The following AIDA variants were observed in gnomAD, a reference collection of about 807,000 sequenced individuals.
AIDA encodes axin interactor, dorsalization associated, also known as axin interactor, dorsalization-associated protein.
In AIDA, 18 loss-of-function variants were observed where a neutral mutation model predicts 42.7. That is an observed-to-expected ratio of 0.42 (90% CI 0.29 to 0.63). AIDA has a LOEUF of 0.63. Among genes scored for constraint, AIDA ranks in the 20% least tolerant of loss-of-function variants. AIDA has a pLI of 0.19. For missense variants in AIDA, 250 were observed against 354.1 expected, an observed-to-expected ratio of 0.71 and a Z score of 2.36; for synonymous variants, 104 against 122.9, an observed-to-expected ratio of 0.85 and a Z score of 1.02.
chr1:222,676,573 G>T (rs1664547591), intron 6 of AIDA, among the ~76,000 whole-genome samples: 1 of 152,084 alleles, frequency 6.6e-6, no homozygotes, highest in Non-Finnish European at 1.5e-5. Flanking sequence ...ATCTCAATAT[G>T]AAGTGGTAGA....
chr1:222,695,626 G>A (rs903075997), intron 2 of AIDA, among the ~76,000 whole-genome samples: 1 of 152,144 alleles, frequency 6.6e-6, no homozygotes, highest in Non-Finnish European at 1.5e-5. Context: ...TGAATAACTA[G>A]GGTAGAAATT....
intron 6 of AIDA, among the ~76,000 whole-genome samples, chr1:222,678,775 G>A (rs1377737934): frequency 2.0e-5 from 3 of 152,050 alleles, no homozygotes; most frequent in Non-Finnish European, 2.9e-5. Flanking sequence ...ATTTCTCAGT[G>A]GTTTCTAATG....
At chr1:222,708,537 T>A (rs1655904858) in intron 1 of AIDA, among the ~76,000 whole-genome samples, 1 of 151,440 alleles carries the variant, frequency 6.6e-6, no homozygotes, top group Non-Finnish European at 1.5e-5. Flanking sequence ...CCGGCTAATG[T>A]TTTTGTATTT....
rs527713594 is a variant in AIDA at position 222,709,129 on chromosome 1, C to G, written c.110+3079G>C. On this transcript the variant is annotated intron_variant, in intron 1 of 9. Transcript: ENST00000340020. ...GACAGTAAACAAAACAAAACAAATACAGAAAATGTATTTTCAACTGTAGCC... is the reference window on the plus strand; with the variant it reads ...GACAGTAAACAAAACAAAACAAATAGAGAAAATGTATTTTCAACTGTAGCC... 1.6e-4 allele frequency among the ~76,000 whole-genome samples: 24 copies of G among 152,190 alleles called. No individual in the cohort carries two copies. The South Asian group carries it at 2.3e-3, about 14-fold the overall frequency.
intron 8 of AIDA, 142 bp downstream of exon 8, chr1:222,673,171 T>C: frequency 1.5e-6 from 1 of 688,464 alleles, no homozygotes; most frequent in Non-Finnish European, 2.2e-6. Flanking sequence ...TTTAAAAATA[T>C]GTATATTTAT....
At chr1:222,712,165 C>T in intron 1 of AIDA, 43 bp downstream of exon 1, 1 of 1,556,964 alleles carries the variant, frequency 6.4e-7, no homozygotes. Flanking sequence ...GAGAGGCGCA[C>T]GACTGGAGCC....
intron 6 of AIDA, 98 bp downstream of exon 6, chr1:222,686,832 T>C (rs1466682575): frequency 4.2e-6 from 6 of 1,411,802 alleles, no homozygotes; most frequent in South Asian, 2.7e-5. Context: ...AGCTTTAGAG[T>C]GGTTGTACTG....
chr1:222,703,120 G>C (rs939597964), intron 2 of AIDA, 28 bp downstream of exon 2: 5 of 1,544,860 alleles, frequency 3.2e-6, no homozygotes, highest in Non-Finnish European at 4.4e-6. Flanking sequence ...TTTGGAATCT[G>C]ATATATCTAG....
At position 222,668,965 on chromosome 1, in the gene AIDA, C is replaced by CA. The variant is rs1390305530; in HGVS notation, c.*927dup. On this transcript the variant is annotated 3_prime_UTR_variant, in exon 10 of 10. Coordinates refer to ENST00000340020, the MANE Select transcript of AIDA (RefSeq NM_022831.4). The stretch of plus-strand genomic sequence containing the variant: ...AAATAGAATATCTTTCCAGATTTTG[C>CA]ATACTCCTCACTGTAAGAAGAGGTA... 1 of 152,006 alleles carries CA rather than the reference C, an allele frequency of 6.6e-6. No individual in the cohort carries two copies. The highest frequency in any genetic ancestry group is 2.4e-5 in the African/African-American group (1 of 41,366). The allele number at this position is 152,006 out of a possible 1,614,324, so 9.4% of individuals were successfully genotyped here.
At chr1:222,675,427 GGAA>G (rs1664526849) in intron 7 of AIDA, among the ~76,000 whole-genome samples, 1 of 152,118 alleles carries the variant, frequency 6.6e-6, no homozygotes, top group South Asian at 2.1e-4. Context: ...TTGTTTTTAA[GGAA>G]TAAATGAACT....
At chr1:222,677,047 T>C (rs1664558434) in intron 6 of AIDA, among the ~76,000 whole-genome samples, 1 of 152,130 alleles carries the variant, frequency 6.6e-6, no homozygotes, top group African/African-American at 2.4e-5. Flanking sequence ...ATCTCTCAAC[T>C]TTTTAAAGAC....
chr1:222,685,221 T>A (rs573984307), intron 6 of AIDA, among the ~76,000 whole-genome samples: 87 of 152,326 alleles, frequency 5.7e-4, no homozygotes, highest in African/African-American at 2.0e-3. Context: ...CCACCACTAA[T>A]ATTCAGCATA....
At chr1:222,694,370 G>C in intron 2 of AIDA, 107 bp from the exon 3 acceptor site, 1 of 975,922 alleles carries the variant, frequency 1.0e-6, no homozygotes, top group Non-Finnish European at 1.6e-6. Context: ...TCTTAAGTAA[G>C]TTAAATTTTA....
intron 1 of AIDA, among the ~76,000 whole-genome samples, chr1:222,705,005 T>C (rs1655801949): frequency 6.6e-6 from 1 of 152,204 alleles, no homozygotes; most frequent in South Asian, 2.1e-4. Context: ...ATGGGAGTTC[T>C]ATGCAATCAT....
In AIDA at chr1:222,670,158, T is replaced by C. The variant is rs766946; in HGVS notation, c.799A>G (p.Lys267Glu). The change falls in exon 9 of 10, where the codon AAA (lysine) becomes GAA (glutamate). Residue 267 changes from lysine (K) to glutamate (E), a missense_variant. By Grantham distance (56) the Lys-to-Glu change is moderately conservative. Coordinates refer to ENST00000340020, the MANE Select transcript of AIDA (RefSeq NM_022831.4). ...CFAFMEMDEI[K>E]PGPIVIELYK... ...AGTTCTATTACAATTGGCCCAGGTT[T>C]AATTTCATCCATCTCCATGAAAGCA... 6.2e-6 allele frequency: 10 copies of C among 1,613,968 alleles called. No homozygotes were observed. The highest frequency in any genetic ancestry group is 5.0e-5 in the Admixed American group (3 of 60,006).
At chr1:222,695,222 T>C (rs572554875) in intron 2 of AIDA, among the ~76,000 whole-genome samples, 1 of 152,336 alleles carries the variant, frequency 6.6e-6, no homozygotes, top group Admixed American at 6.5e-5. Flanking sequence ...CCGGGCGTGG[T>C]AGCTCACGCC....
rs1185614028 is a variant in AIDA, at chr1:222,712,357, C to T, written c.-40G>A. 3 of 1,516,866 alleles carry T rather than the reference C, an allele frequency of 2.0e-6. No individual in the cohort carries two copies. Among genetic ancestry groups the T allele is most frequent in the Non-Finnish European group, 8.8e-7 (1 of 1,130,116 alleles). 94.0% of individuals were successfully genotyped at this position (1,516,866 alleles called of 1,614,324 possible). The stretch of plus-strand genomic sequence containing the variant: ...CCGTCCCCTCCCGCCCCTACCCCAG[C>T]AAGGCCGGGTTCTAGGGCGCCATCC... On this transcript the variant is annotated 5_prime_UTR_variant, in exon 1 of 10. Transcript: ENST00000340020.
chr1:222,704,927 GC>G (rs957495466), intron 1 of AIDA, among the ~76,000 whole-genome samples: 1 of 152,078 alleles, frequency 6.6e-6, no homozygotes, highest in African/African-American at 2.4e-5. Context: ...ACAAAGGGTA[GC>G]AAGTGCTAGA....
intron 1 of AIDA, among the ~76,000 whole-genome samples, chr1:222,704,213 A>G (rs1655782783): frequency 1.3e-5 from 2 of 152,214 alleles, no homozygotes; most frequent in South Asian, 4.1e-4. Context: ...GAACCCTCAG[A>G]TATTGCTGGT....
Sources: allele counts gnomAD v4.1 joint callset (sites outside exome capture counted in the v4.1 genomes callset), GRCh38; gene constraint gnomAD v4.1.1; transcripts MANE v1.5; gene names NCBI Gene and HGNC (gene_info 2026-07-23, HGNC 2026-07-21).